Variants in STK3 observed in about 807,000 individuals in gnomAD.
STK3 encodes the protein serine/threonine-protein kinase 3.
STK3 carries 41 observed loss-of-function variants against 58.0 expected under a neutral mutation model. That is an observed-to-expected ratio of 0.71 (90% CI 0.55 to 0.92). The LOEUF (loss-of-function observed/expected upper bound fraction) is 0.92, where lower values mean the gene tolerates loss of function less well. STK3 is among the 40% of genes least tolerant of loss of function. The pLI, the probability that STK3 is intolerant of heterozygous loss-of-function variation, is 0.00. For synonymous variants in STK3, 170 were observed against 191.0 expected (o/e 0.89, Z 0.91); for missense variants, 479 against 602.7 (o/e 0.79, Z 2.15).
At chr8:98,840,140 A>G (rs1587732977) in intron 3 of STK3, among the ~76,000 whole-genome samples, 1 of 152,052 alleles carries the variant, frequency 6.6e-6, no homozygotes, top group African/African-American at 2.4e-5. Flanking sequence ...TGAGGCCAGG[A>G]GTTCAAGACC....
At chr8:98,478,849 T>C (rs1821594960) in intron 10 of STK3, among the ~76,000 whole-genome samples, 1 of 152,192 alleles carries the variant, frequency 6.6e-6, no homozygotes, top group African/African-American at 2.4e-5. Context: ...CATGCCCACA[T>C]CTGTGCCACC....
upstream of STK3, among the ~76,000 whole-genome samples, chr8:98,392,894 G>A (rs1267888975): frequency 6.6e-6 from 1 of 152,188 alleles, no homozygotes; most frequent in Admixed American, 6.5e-5. Flanking sequence ...ACCCTTGCCT[G>A]TTATTCAGCT....
chr8:98,721,291 G>T (rs1252774086), intron 4 of STK3: 2 of 212,494 alleles, frequency 9.4e-6, no homozygotes, highest in Non-Finnish European at 8.1e-6. Context: ...AGAATTATGA[G>T]AACTTATTAG....
chr8:98,541,747 T>A (rs1810296838), intron 9 of STK3, among the ~76,000 whole-genome samples: 1 of 152,230 alleles, frequency 6.6e-6, no homozygotes, highest in African/African-American at 2.4e-5. Flanking sequence ...TGTCAAATAC[T>A]TTCCTAATAT....
intron 4 of STK3, among the ~76,000 whole-genome samples, chr8:98,707,933 G>A (rs1355944250): frequency 1.3e-5 from 2 of 152,030 alleles, no homozygotes; most frequent in African/African-American, 2.4e-5. Context: ...GAGGTCAGGA[G>A]TTCAAAACCA....
chr8:98,858,869 T>A (rs1836815533), intron 3 of STK3, among the ~76,000 whole-genome samples: 1 of 136,288 alleles, frequency 7.3e-6, no homozygotes, highest in Admixed American at 8.2e-5. Flanking sequence ...TCCAGCCTGG[T>A]GACAGAGCAA....
chr8:98,917,708 C>T (rs1399889818), intron 1 of STK3, among the ~76,000 whole-genome samples: 2 of 152,182 alleles, frequency 1.3e-5, no homozygotes, highest in Non-Finnish European at 2.9e-5. Context: ...GCTATCCAGT[C>T]TATGGTATTC....
At chr8:98,536,031 T>G (rs1809735189) in intron 9 of STK3, among the ~76,000 whole-genome samples, 1 of 152,070 alleles carries the variant, frequency 6.6e-6, no homozygotes, top group Non-Finnish European at 1.5e-5. Flanking sequence ...GTTGACTAAA[T>G]AAAGAAAGGA....
intron 3 of STK3, among the ~76,000 whole-genome samples, chr8:98,421,658 C>A (rs1304346816): frequency 6.6e-6 from 1 of 152,008 alleles, no homozygotes; most frequent in Admixed American, 6.6e-5. Flanking sequence ...TGCCTATAGT[C>A]CCAGCTACTC....
intron 8 of STK3, among the ~76,000 whole-genome samples, chr8:98,559,745 C>T (rs1181758951): frequency 3.3e-5 from 5 of 152,096 alleles, no homozygotes; most frequent in Admixed American, 2.6e-4. Flanking sequence ...GAGAATACTG[C>T]TGGAGAATAC....
At chr8:98,757,023 CCT>C (rs376081307) in intron 3 of STK3, among the ~76,000 whole-genome samples, 3 of 152,014 alleles carry the variant, frequency 2.0e-5, no homozygotes, top group South Asian at 4.2e-4. Flanking sequence ...CTTCTTCCCC[CCT>C]CTTTCTCTGC....
chr8:98,744,901 G>GAA (rs893298875), intron 4 of STK3, among the ~76,000 whole-genome samples: 1 of 138,918 alleles, frequency 7.2e-6, no homozygotes. Flanking sequence ...TTTCCACACA[G>GAA]AAAAAAAAAA....
chr8:98,383,622 A>G (rs1817761089), intron 1 of STK3, among the ~76,000 whole-genome samples: 1 of 152,244 alleles, frequency 6.6e-6, no homozygotes, highest in Non-Finnish European at 1.5e-5. Flanking sequence ...AAAGCAAAAC[A>G]AAACAAACAC....
chr8:98,506,282 C>T (rs1289372079), intron 10 of STK3, among the ~76,000 whole-genome samples: 1 of 152,174 alleles, frequency 6.6e-6, no homozygotes. Context: ...GGAGGCATCC[C>T]GTTTTTCCAG....
chr8:98,842,922 T>C (rs1439766177), intron 3 of STK3, among the ~76,000 whole-genome samples: 2 of 151,870 alleles, frequency 1.3e-5, no homozygotes. Context: ...GAGGCTAAGG[T>C]GGGAAGATTG....
At chr8:98,557,832 G>C (rs1300411023) in intron 8 of STK3, among the ~76,000 whole-genome samples, 1 of 151,992 alleles carries the variant, frequency 6.6e-6, no homozygotes, top group African/African-American at 2.4e-5. Context: ...ACATTCACAG[G>C]CATGTTTTAA....
intron 1 of STK3, among the ~76,000 whole-genome samples, chr8:98,789,455 T>G (rs1475221851): frequency 6.6e-6 from 1 of 151,198 alleles, no homozygotes; most frequent in Admixed American, 6.6e-5. Context: ...AAAAGATAAA[T>G]GAAACAAAAA....
intron 4 of STK3, among the ~76,000 whole-genome samples, chr8:98,717,958 A>C (rs1307090254): frequency 6.6e-6 from 1 of 152,180 alleles, no homozygotes; most frequent in Non-Finnish European, 1.5e-5. Flanking sequence ...AAAAAAGGCA[A>C]CTAATGTATG....
At position 98,508,144 on chromosome 8, in the gene STK3, C is replaced by T. The variant is rs144929743; in HGVS notation, c.1317+18598G>A. Among the ~76,000 whole-genome samples, 811 of 152,182 alleles carry T rather than the reference C, an allele frequency of 5.3e-3. 5 individuals carry two copies. Among genetic ancestry groups the T allele is most frequent in the Non-Finnish European group, 8.7e-3 (595 of 68,016 alleles). On this transcript the variant is annotated intron_variant, in intron 10 of 10. Transcript: ENST00000419617. ...AGTGCCAGGCATGTATTACATATAA[C>T]TGATTTCTAGTATATAGGAAGTAGA...
Sources: gnomAD v4.1 joint callset for allele counts (sites outside exome capture counted in the v4.1 genomes callset) on GRCh38, gnomAD v4.1.1 for gene constraint, MANE v1.5 for transcripts, NCBI Gene and HGNC (gene_info 2026-07-23, HGNC 2026-07-21) for gene names.